The following GPC5 variants were observed in gnomAD, a reference collection of about 807,000 sequenced individuals.
The protein encoded by GPC5 is glypican-5.
Under a neutral mutation model 53.9 loss-of-function variants are expected in GPC5, and 47 were observed. The observed-to-expected ratio is 0.87, with a 90% confidence interval of 0.69 to 1.11. GPC5 has a LOEUF of 1.11. Among genes scored for constraint, GPC5 ranks in the 50% most tolerant of loss-of-function variants. The pLI, the probability that GPC5 is intolerant of heterozygous loss-of-function variation, is 0.00. For synonymous variants in GPC5, 286 were observed against 263.3 expected (o/e 1.09, Z -0.84); for missense variants, 748 against 713.1 (o/e 1.05, Z -0.56).
At chr13:92,864,223 A>G (rs929099597) in intron 7 of GPC5, among the ~76,000 whole-genome samples, 21 of 152,286 alleles carry the variant, frequency 1.4e-4, no homozygotes, top group African/African-American at 5.1e-4. Flanking sequence ...TTCTTTTCAC[A>G]TACTTATTAC....
chr13:91,907,123 G>T (rs1029127234), intron 5 of GPC5, among the ~76,000 whole-genome samples: 3 of 149,162 alleles, frequency 2.0e-5, no homozygotes, highest in Non-Finnish European at 4.5e-5. Flanking sequence ...CAAAAATAAA[G>T]AATATTATTA....
intron 2 of GPC5, among the ~76,000 whole-genome samples, chr13:91,464,519 G>A (rs1041509306): frequency 9.9e-5 from 15 of 152,106 alleles, no homozygotes; most frequent in East Asian, 1.9e-4. Flanking sequence ...TGTCCATATC[G>A]TGGAATATGA....
intron 6 of GPC5, among the ~76,000 whole-genome samples, chr13:92,140,750 C>T (rs1160562369): frequency 6.6e-6 from 1 of 152,028 alleles, no homozygotes; most frequent in East Asian, 1.9e-4. Flanking sequence ...GACTAATGGC[C>T]CCTGTAATGA....
chr13:91,625,155 A>G (rs2033965206), intron 2 of GPC5, among the ~76,000 whole-genome samples: 1 of 151,922 alleles, frequency 6.6e-6, no homozygotes, highest in South Asian at 2.1e-4. Context: ...AGGAATGAGA[A>G]AGGGCATAAA....
chr13:92,713,876 C>A (rs368838963), intron 7 of GPC5, among the ~76,000 whole-genome samples: 2 of 152,222 alleles, frequency 1.3e-5, no homozygotes, highest in Admixed American at 6.5e-5. Context: ...ATGTTACACC[C>A]GTTCTGGTAA....
At chr13:91,739,713 G>C (rs1468603744) in intron 4 of GPC5, among the ~76,000 whole-genome samples, 1 of 151,418 alleles carries the variant, frequency 6.6e-6, no homozygotes, top group Non-Finnish European at 1.5e-5. Flanking sequence ...ATCTAAGAGA[G>C]AGCAAGGCAG....
chr13:91,580,719 C>G (rs766846064), intron 2 of GPC5, among the ~76,000 whole-genome samples: 4 of 152,220 alleles, frequency 2.6e-5, no homozygotes, highest in African/African-American at 7.2e-5. Flanking sequence ...ATCCACCTTC[C>G]TATTCCTTGC....
At chr13:91,851,419 G>A (rs1418069232) in intron 5 of GPC5, among the ~76,000 whole-genome samples, 2 of 152,046 alleles carry the variant, frequency 1.3e-5, no homozygotes, top group African/African-American at 4.8e-5. Flanking sequence ...TGAATGTGAA[G>A]ACCAAAGACA....
intron 2 of GPC5, among the ~76,000 whole-genome samples, chr13:91,669,933 C>A (rs1404884868): frequency 6.6e-6 from 1 of 152,104 alleles, no homozygotes; most frequent in Admixed American, 6.5e-5. Flanking sequence ...TGATTTTTGT[C>A]ACTAATTCAT....
chr13:91,702,396 GT>G (rs1287177335), intron 3 of GPC5, among the ~76,000 whole-genome samples: 1 of 151,894 alleles, frequency 6.6e-6, no homozygotes, highest in African/African-American at 2.4e-5. Context: ...TTTTTCCTAT[GT>G]TTTCTACTAG....
Position 91,675,803 on chromosome 13 carries a change from A to G in GPC5, c.326-17384A>G, listed in dbSNP as rs115642292. 6.4e-3 allele frequency among the ~76,000 whole-genome samples: 970 copies of G among 152,298 alleles called. 13 individuals carry two copies. Among genetic ancestry groups the G allele is most frequent in the African/African-American group, 0.023 (937 of 41,562 alleles). ...GTTTGGAGCATCAGCTCCATGTGTG[A>G]TGGAAGCAGAGGGCAGGGGAACAAG... On this transcript the variant is annotated intron_variant, in intron 2 of 7. Coordinates refer to ENST00000377067, the MANE Select transcript of GPC5 (RefSeq NM_004466.6).
At chr13:91,868,875 G>A (rs564029484) in intron 5 of GPC5, among the ~76,000 whole-genome samples, 17 of 152,296 alleles carry the variant, frequency 1.1e-4, no homozygotes, top group African/African-American at 3.6e-4. Context: ...ATAGTACAGA[G>A]ACACTATATG....
chr13:91,430,785 A>T (rs1024967833), intron 1 of GPC5, among the ~76,000 whole-genome samples: 1 of 152,176 alleles, frequency 6.6e-6, no homozygotes, highest in Non-Finnish European at 1.5e-5. Context: ...ATTTGCAAGC[A>T]TCTGGGCAAC....
At chr13:92,724,460 C>T (rs1470538672) in intron 7 of GPC5, among the ~76,000 whole-genome samples, 1 of 151,308 alleles carries the variant, frequency 6.6e-6, no homozygotes, top group Non-Finnish European at 1.5e-5. Context: ...TTTTACAAGC[C>T]TAAATGTCTA....
At chr13:92,477,246 G>T (rs145898916) in intron 7 of GPC5, among the ~76,000 whole-genome samples, 4 of 151,614 alleles carry the variant, frequency 2.6e-5, no homozygotes, top group African/African-American at 9.7e-5. Flanking sequence ...TGGCAGTGAA[G>T]AACAACTTGT....
chr13:92,739,972 A>G (rs1889042167), intron 7 of GPC5, among the ~76,000 whole-genome samples: 1 of 151,998 alleles, frequency 6.6e-6, no homozygotes. Context: ...CACTATCATC[A>G]AAGTCACCAG....
intron 3 of GPC5, among the ~76,000 whole-genome samples, chr13:91,722,319 G>C (rs1450379238): frequency 2.6e-5 from 4 of 152,116 alleles, no homozygotes; most frequent in African/African-American, 9.7e-5. Context: ...GCCTCAGCCT[G>C]GTGGTTTTCC....
intron 6 of GPC5, among the ~76,000 whole-genome samples, chr13:92,098,339 C>G (rs567607488): frequency 2.0e-5 from 3 of 152,074 alleles, no homozygotes; most frequent in African/African-American, 7.2e-5. Flanking sequence ...AATGCACGAT[C>G]TTGTTTTTGT....
chr13:91,472,114 A>T (rs1566429407), intron 2 of GPC5, among the ~76,000 whole-genome samples: 1 of 152,106 alleles, frequency 6.6e-6, no homozygotes, highest in Non-Finnish European at 1.5e-5. Flanking sequence ...TTCTCTGTTC[A>T]ATCAATTGTG....
Sources: gnomAD v4.1 joint callset for allele counts (sites outside exome capture counted in the v4.1 genomes callset) on GRCh38, gnomAD v4.1.1 for gene constraint, MANE v1.5 for transcripts, NCBI Gene and HGNC (gene_info 2026-07-23, HGNC 2026-07-21) for gene names.